The following FHAD1 variants were observed in gnomAD, a reference collection of about 807,000 sequenced individuals.
The protein encoded by FHAD1 is forkhead associated phosphopeptide binding domain 1.
A neutral mutation model predicts 191.3 loss-of-function variants in FHAD1; 146 were observed. The ratio of observed to expected loss-of-function variants is 0.76; its 90% CI spans 0.67 to 0.88. FHAD1 has a LOEUF of 0.88. FHAD1 is among the 40% of genes least tolerant of loss of function. FHAD1 has a pLI of 0.00. For missense variants in FHAD1, 1,635 were observed against 1,785.8 expected (o/e 0.92, Z 1.52); for synonymous variants, 616 against 672.3 (o/e 0.92, Z 1.29).
chr1:15,236,585 C>T (rs1161285269), exon 1 of FHAD1, among the ~76,000 whole-genome samples: 1 of 152,170 alleles, frequency 6.6e-6, no homozygotes, highest in African/African-American at 2.4e-5. Context: ...CTCTCTCATC[C>T]CCTTGGGATT....
Position 15,326,951 on chromosome 1 carries a change from C to T in FHAD1, c.1474-108C>T, listed in dbSNP as rs968440002. ...TGATAACGCGGAATGGTCATTCAGG[C>T]GTGCAAACCCTGCTAAGTGGTGTTT... On this transcript the variant is annotated intron_variant, in intron 11 of 33. Transcript: ENST00000688493. 2.8e-5 allele frequency: 18 copies of T among 652,082 alleles called. No homozygotes were observed. In the East Asian group the frequency reaches 3.6e-4, roughly 13 times the overall value. The allele number at this position is 652,082 out of a possible 1,614,324, so 40.4% of individuals were successfully genotyped here. A position where few individuals can be genotyped will look rare whatever the true frequency, so the allele number is the denominator to read the frequency against.
chr1:15,359,810 CGT>C (rs149952961), intron 21 of FHAD1, among the ~76,000 whole-genome samples: 12,418 of 152,158 alleles, frequency 0.082, 678 homozygotes, highest in African/African-American at 0.15. Flanking sequence ...AATAGCCAGG[CGT>C]GGTGGCGGGC....
chr1:15,332,092 G>A (rs529862357), intron 14 of FHAD1, among the ~76,000 whole-genome samples: 2 of 152,300 alleles, frequency 1.3e-5, no homozygotes, highest in African/African-American at 4.8e-5. Flanking sequence ...TGCTTCCAAA[G>A]TATCCAGAAG....
At chr1:15,388,562 T>A (rs1456225353) in intron 32 of FHAD1, 3 of 229,780 alleles carry the variant, frequency 1.3e-5, no homozygotes, top group Non-Finnish European at 2.5e-5. Flanking sequence ...GGAATCCCTG[T>A]CCTAAGAATG....
chr1:15,268,013 CTTTTAAG>C (rs1654299789), intron 2 of FHAD1, among the ~76,000 whole-genome samples: 1 of 148,878 alleles, frequency 6.7e-6, no homozygotes, highest in South Asian at 2.1e-4. Flanking sequence ...TATTATTATA[CTTTTAAG>C]TTTTAGGGTA....
chr1:15,314,039 A>G (rs1574248656), intron 8 of FHAD1, among the ~76,000 whole-genome samples: 1 of 151,192 alleles, frequency 6.6e-6, no homozygotes, highest in East Asian at 1.9e-4. Context: ...CAGCCTGGGC[A>G]ACAAGAGTGA....
intron 2 of FHAD1, among the ~76,000 whole-genome samples, chr1:15,261,043 A>G (rs1284995095): frequency 6.6e-6 from 1 of 152,152 alleles, no homozygotes; most frequent in African/African-American, 2.4e-5. Context: ...TTTCAGAGGA[A>G]TCAGTAGGGT....
intron 10 of FHAD1, among the ~76,000 whole-genome samples, chr1:15,319,431 T>C (rs532770926): frequency 2.0e-5 from 3 of 152,242 alleles, no homozygotes; most frequent in Admixed American, 6.5e-5. Context: ...CTATACAAAG[T>C]AAAATTTATT....
chr1:15,245,280 T>A (rs186174513), upstream of FHAD1, among the ~76,000 whole-genome samples: 5 of 152,304 alleles, frequency 3.3e-5, no homozygotes, highest in African/African-American at 1.2e-4. Flanking sequence ...GGATAGAGTG[T>A]TGAGGTTTTT....
At chr1:15,322,249 A>G (rs945703311) in intron 10 of FHAD1, among the ~76,000 whole-genome samples, 18 of 152,182 alleles carry the variant, frequency 1.2e-4, no homozygotes, top group African/African-American at 3.9e-4. Flanking sequence ...CAGGGAACTA[A>G]TATGTTTAAA....
chr1:15,383,538 T>C, intron 31 of FHAD1: 1 of 337,562 alleles, frequency 3.0e-6, no homozygotes, highest in Non-Finnish European at 5.9e-6. Flanking sequence ...TGCTTTGCAG[T>C]TGACATATTC....
At chr1:15,246,853 A>G (rs1055535085), upstream of FHAD1, among the ~76,000 whole-genome samples, 1 of 152,108 alleles carries the variant, frequency 6.6e-6, no homozygotes, top group Non-Finnish European at 1.5e-5. Context: ...TGTAACGGAA[A>G]GGACTAGAGA....
intron 5 of FHAD1, among the ~76,000 whole-genome samples, chr1:15,300,097 G>A (rs1482021225): frequency 1.3e-5 from 2 of 152,152 alleles, no homozygotes; most frequent in African/African-American, 4.8e-5. Flanking sequence ...CTCTGTAGCT[G>A]CCTATGAATC....
At chr1:15,338,613 A>C (rs1685235304) in intron 14 of FHAD1, among the ~76,000 whole-genome samples, 1 of 152,162 alleles carries the variant, frequency 6.6e-6, no homozygotes, top group South Asian at 2.1e-4. Flanking sequence ...GTAGGGGGTC[A>C]TCATTCAGCC....
rs1399533325 is a variant in FHAD1, at chr1:15,324,514, CAGAG to C, written c.1433_1436del (p.Glu478AlafsTer11). On this transcript the variant is annotated frameshift_variant, in exon 11 of 34. Coordinates refer to ENST00000688493, the MANE Select transcript of FHAD1 (RefSeq NM_001391957.1). LOFTEE classifies it high-confidence loss of function. ...TGCTTCAGCTGCAAGAAATGGGGAA[CAGAG>C]AGAGCGTCATTAAAATCAATTTGGA... 2 of 1,552,090 alleles carry C rather than the reference CAGAG, an allele frequency of 1.3e-6. No individual in the cohort carries two copies. Among genetic ancestry groups the C allele is most frequent in the Non-Finnish European group, 1.7e-6 (2 of 1,147,060 alleles).
chr1:15,272,550 G>A (rs1656530162), intron 3 of FHAD1, 21 bp downstream of exon 3: 5 of 1,531,700 alleles, frequency 3.3e-6, no homozygotes, highest in Non-Finnish European at 4.4e-6. Flanking sequence ...GCCACTGGGG[G>A]ATAGAGGGGC....
upstream of FHAD1, among the ~76,000 whole-genome samples, chr1:15,243,135 G>C (rs1645586814): frequency 6.6e-6 from 1 of 152,236 alleles, no homozygotes. Context: ...CAGCATGAAA[G>C]AGTCGACATG....
chr1:15,358,229 C>G lies in FHAD1; in HGVS notation c.2682C>G (p.Leu894=). 1 of 1,540,732 alleles carries G rather than the reference C, an allele frequency of 6.5e-7. No individual in the cohort carries two copies. The highest frequency in any genetic ancestry group is 8.7e-7 in the Non-Finnish European group (1 of 1,144,656). Residue 894 remains leucine, a synonymous_variant, in exon 21 of 34, where the codon CTC becomes CTG. Coordinates refer to ENST00000688493, the MANE Select transcript of FHAD1 (RefSeq NM_001391957.1). ...KATESLKAES[L]ALKLNETLAE... ...CTGAAAGTCTAAAAGCAGAGAGCCT[C>G]GCCTTGAAATTAAATGAAACATTAG...
chr1:15,285,714 T>C (rs1023331559), intron 3 of FHAD1, among the ~76,000 whole-genome samples: 4 of 152,188 alleles, frequency 2.6e-5, no homozygotes, highest in Non-Finnish European at 4.4e-5. Flanking sequence ...GAGCAGTTAG[T>C]GCAGGGTGCA....
Sources: allele counts gnomAD v4.1 joint callset (sites outside exome capture counted in the v4.1 genomes callset), GRCh38; gene constraint gnomAD v4.1.1; transcripts MANE v1.5; gene names NCBI Gene and HGNC (gene_info 2026-07-23, HGNC 2026-07-21).